The following ADAM23 variants were observed in gnomAD, a reference collection of about 807,000 sequenced individuals.
The protein encoded by ADAM23 is disintegrin and metalloproteinase domain-containing protein 23.
A neutral mutation model predicts 120.1 loss-of-function variants in ADAM23; 33 were observed. That is an observed-to-expected ratio of 0.27 (90% CI 0.21 to 0.37). ADAM23 has a LOEUF of 0.37. Ranked by LOEUF, ADAM23 falls within the 10% of genes least tolerant of loss-of-function variation. The pLI is 1.00. For missense variants in ADAM23, 862 were observed against 1,058.2 expected (o/e 0.81, Z 2.57); for synonymous variants, 367 against 375.2 (o/e 0.98, Z 0.25).
intron 3 of ADAM23, among the ~76,000 whole-genome samples, chr2:206,483,613 A>G (rs1695942555): frequency 6.6e-6 from 1 of 152,146 alleles, no homozygotes; most frequent in Admixed American, 6.5e-5. Context: ...AAATAGGACA[A>G]TCAGGAGAAT....
At chr2:206,452,568 A>T (rs919862530) in intron 2 of ADAM23, among the ~76,000 whole-genome samples, 2 of 152,154 alleles carry the variant, frequency 1.3e-5, no homozygotes, top group African/African-American at 4.8e-5. Context: ...GCATTTTGGG[A>T]GGCTGAGGTG....
chr2:206,507,842 C>G (rs1696526816), intron 3 of ADAM23, among the ~76,000 whole-genome samples: 1 of 152,028 alleles, frequency 6.6e-6, no homozygotes, highest in Non-Finnish European at 1.5e-5. Flanking sequence ...TCCTGATAGA[C>G]TTTATTTTAG....
At chr2:206,466,889 A>G (rs1695551871) in intron 2 of ADAM23, among the ~76,000 whole-genome samples, 1 of 152,214 alleles carries the variant, frequency 6.6e-6, no homozygotes, top group Non-Finnish European at 1.5e-5. Context: ...ACTTTTACTC[A>G]TGGTGGAAGG....
intron 6 of ADAM23, 98 bp downstream of exon 6, chr2:206,543,414 T>C: frequency 9.8e-7 from 1 of 1,017,306 alleles, no homozygotes; most frequent in Non-Finnish European, 1.5e-6. Flanking sequence ...CAAAGTGCCT[T>C]TGTACATGTT....
At chr2:206,452,296 G>C (rs1695211324) in intron 2 of ADAM23, among the ~76,000 whole-genome samples, 1 of 152,196 alleles carries the variant, frequency 6.6e-6, no homozygotes, top group Non-Finnish European at 1.5e-5. Context: ...ATTTCATCCT[G>C]GTTTGGTCCA....
At chr2:206,452,369 C>T (rs1695213891) in intron 2 of ADAM23, among the ~76,000 whole-genome samples, 1 of 152,232 alleles carries the variant, frequency 6.6e-6, no homozygotes. Flanking sequence ...CTTGCTTCAG[C>T]ATGTGTCCCT....
At chr2:206,553,747 T>C (rs781111913) in intron 9 of ADAM23, among the ~76,000 whole-genome samples, 2 of 152,212 alleles carry the variant, frequency 1.3e-5, no homozygotes, top group Non-Finnish European at 2.9e-5. Context: ...TAAATTCACA[T>C]GTTGAAAGTC....
intron 2 of ADAM23, among the ~76,000 whole-genome samples, chr2:206,472,792 C>T (rs1052169473): frequency 6.6e-6 from 1 of 152,160 alleles, no homozygotes; most frequent in African/African-American, 2.4e-5. Context: ...CATCAGATCG[C>T]ATAATCGAAT....
chr2:206,531,540 T>A (rs1697062943), intron 4 of ADAM23, among the ~76,000 whole-genome samples: 3 of 152,196 alleles, frequency 2.0e-5, no homozygotes. Context: ...AACTTTCTTG[T>A]CTTCAGGGAG....
Position 206,542,104 on chromosome 2 carries a change from A to C in ADAM23, c.626A>C (p.Lys209Thr). The change falls in exon 5 of 26, where the codon AAG (lysine) becomes ACG (threonine). Residue 209 changes from lysine (K) to threonine (T), a missense_variant. Transcript: ENST00000264377. ...HGSIRGVKDS[K>T]VALSTCNGLH... ...AGCATCAGAGGCGTCAAAGACTCCAAGGTGGCTCTGTCAACCTGCAATGGA... is the reference window on the plus strand; with the variant it reads ...AGCATCAGAGGCGTCAAAGACTCCACGGTGGCTCTGTCAACCTGCAATGGA... The C allele has an allele frequency of 6.2e-7, 1 of 1,614,206 alleles. No individual in the cohort carries two copies. The highest frequency in any genetic ancestry group is 8.5e-7 in the Non-Finnish European group (1 of 1,180,000).
rs566180537 is a variant in ADAM23, at chr2:206,507,855, C to G, written c.510-23030C>G. Among the ~76,000 whole-genome samples the G allele has an allele frequency of 5.3e-5, 8 of 152,052 alleles. No individual in the cohort carries two copies. In the East Asian group the frequency reaches 1.5e-3, roughly 29 times the overall value. ...TTTCCTGATAGACTTTATTTTAGCCCGTAAATTTATAGGCTGGTATTCAAT... is the reference window on the plus strand; with the variant it reads ...TTTCCTGATAGACTTTATTTTAGCCGGTAAATTTATAGGCTGGTATTCAAT... On this transcript the variant is annotated intron_variant, in intron 3 of 25. Transcript: ENST00000264377.
intron 24 of ADAM23, among the ~76,000 whole-genome samples, chr2:206,597,410 C>G (rs941684806): frequency 1.3e-5 from 2 of 152,036 alleles, no homozygotes; most frequent in African/African-American, 4.8e-5. Context: ...GAACTCATGA[C>G]CTCATAATCC....
chr2:206,587,989 GA>G, intron 19 of ADAM23, 101 bp from the exon 20 acceptor site: 1 of 1,227,982 alleles, frequency 8.1e-7, no homozygotes, highest in Non-Finnish European at 1.2e-6. Flanking sequence ...GGTATGAAAT[GA>G]AAAAACTTTA....
chr2:206,611,225 C>T (rs1170205882), intron 25 of ADAM23, among the ~76,000 whole-genome samples: 4 of 151,994 alleles, frequency 2.6e-5, no homozygotes, highest in South Asian at 2.1e-4. Context: ...AATTATACGT[C>T]TTTTCTCTCG....
chr2:206,444,111 CT>C, intron 1 of ADAM23, 31 bp downstream of exon 1: 2 of 1,263,874 alleles, frequency 1.6e-6, no homozygotes, highest in South Asian at 2.8e-5. Flanking sequence ...TTTGCGTTGG[CT>C]TTCCCGCGGG....
rs1698386120 is a variant in ADAM23 at position 206,589,484 on chromosome 2, A to T, written c.1928A>T (p.Asp643Val). Residue 643 changes from aspartate (D) to valine (V), a missense_variant, in exon 21 of 26, where the codon GAT becomes GTT. Physicochemically the swap from Asp to Val is radical, Grantham distance 152. Transcript: ENST00000264377. ...EGTEKGNCGK[D>V]GDRWIQCSKH... ...ACTGAGAAGGGAAACTGCGGGAAGG[A>T]TGGAGACCGGTGGATTCAGTGCAGC... 1 of 1,613,876 alleles carries T rather than the reference A, an allele frequency of 6.2e-7. No homozygotes were observed. The highest frequency in any genetic ancestry group is 8.5e-7 in the Non-Finnish European group (1 of 1,179,884).
intron 23 of ADAM23, 129 bp from the exon 24 acceptor site, chr2:206,595,922 G>A (rs1274274197): frequency 6.0e-6 from 4 of 661,814 alleles, no homozygotes; most frequent in Middle Eastern, 4.0e-4. Context: ...CAAGACCATG[G>A]GAAACTTTAA....
chr2:206,458,959 T>A (rs1163452619), intron 2 of ADAM23, among the ~76,000 whole-genome samples: 8 of 152,362 alleles, frequency 5.3e-5, no homozygotes, highest in Non-Finnish European at 1.2e-4. Flanking sequence ...ATTCTGTTTT[T>A]ATTTGGACAC....
intron 24 of ADAM23, chr2:206,608,082 T>C (rs574477239): frequency 5.3e-6 from 2 of 375,184 alleles, no homozygotes; most frequent in Non-Finnish European, 5.2e-6. Flanking sequence ...AGGAAATACA[T>C]GTAAGTAGAA....
Sources: allele counts gnomAD v4.1 joint callset (sites outside exome capture counted in the v4.1 genomes callset), GRCh38; gene constraint gnomAD v4.1.1; transcripts MANE v1.5; gene names NCBI Gene and HGNC (gene_info 2026-07-23, HGNC 2026-07-21).